The following INPP5B variants were observed in gnomAD, a reference collection of about 807,000 sequenced individuals.
INPP5B encodes type II inositol 1,4,5-trisphosphate 5-phosphatase.
Under a neutral mutation model 118.5 loss-of-function variants are expected in INPP5B, and 90 were observed. The ratio of observed to expected loss-of-function variants is 0.76; its 90% CI spans 0.64 to 0.90. The LOEUF is 0.90. Ranked by LOEUF, INPP5B falls within the 40% of genes least tolerant of loss-of-function variation. The probability of loss-of-function intolerance (pLI) is 0.00; values close to 1 mark genes in which losing one functional copy is unlikely to be tolerated. For synonymous variants in INPP5B, 385 were observed against 418.9 expected (o/e 0.92, Z 0.99); for missense variants, 984 against 1,125.6 (o/e 0.87, Z 1.80).
chr1:37,933,951 T>A (rs1299320082), intron 6 of INPP5B, among the ~76,000 whole-genome samples: 2 of 145,568 alleles, frequency 1.4e-5, no homozygotes, highest in African/African-American at 2.5e-5. Flanking sequence ...TTATTTATTT[T>A]GGGACAAACT....
intron 5 of INPP5B, among the ~76,000 whole-genome samples, 153 bp from the exon 6 acceptor site, chr1:37,940,951 G>A (rs1645886096): frequency 6.6e-6 from 1 of 152,104 alleles, no homozygotes; most frequent in Non-Finnish European, 1.5e-5. Context: ...GGACAACAAG[G>A]AAACCCTCTG....
chr1:37,901,139 T>C (rs1644318079), intron 7 of INPP5B, among the ~76,000 whole-genome samples: 2 of 152,190 alleles, frequency 1.3e-5, no homozygotes, highest in Admixed American at 1.3e-4. Context: ...TATTCATTAT[T>C]ATTGGATGCC....
chr1:37,915,677 A>G (rs1570279498), intron 7 of INPP5B, among the ~76,000 whole-genome samples: 3 of 152,358 alleles, frequency 2.0e-5, no homozygotes, highest in African/African-American at 2.4e-5. Flanking sequence ...AGACACATGG[A>G]AAGTCTGGAA....
intron 13 of INPP5B, chr1:37,883,586 G>A: frequency 1.0e-6 from 1 of 985,386 alleles, no homozygotes; most frequent in Non-Finnish European, 1.2e-6. Context: ...TAGAGAATCT[G>A]CACAGCAGTA....
chr1:37,881,801 G>GA (rs1251892351), intron 14 of INPP5B, among the ~76,000 whole-genome samples: 1 of 151,974 alleles, frequency 6.6e-6, no homozygotes, highest in Non-Finnish European at 1.5e-5. Context: ...CTGCACTGGG[G>GA]AAAAAAAGAT....
chr1:37,886,225 GTCTTAA>G lies in INPP5B; in HGVS notation c.1132-406_1132-401del, dbSNP rs547510198. ...ACCCTACAGACTTTCAAAATGTTTT[GTCTTAA>G]TCTTTATAATAATCCTGTGGTATTA... On this transcript the variant is annotated intron_variant, in intron 12 of 23. Coordinates refer to ENST00000373024, the MANE Select transcript of INPP5B (RefSeq NM_005540.3). Among the ~76,000 whole-genome samples the G allele has an allele frequency of 3.7e-3, 559 of 151,470 alleles. 6 individuals are homozygous for G. Among genetic ancestry groups the G allele is most frequent in the African/African-American group, 0.013 (525 of 41,260 alleles).
At chr1:37,928,915 C>T (rs114090883) in intron 7 of INPP5B, 1 of 152,134 alleles carries the variant, frequency 6.6e-6, no homozygotes, top group South Asian at 2.1e-4. Context: ...GGGCCTGTAT[C>T]GACATCCAGA....
At chr1:37,912,951 A>G (rs1269533935) in intron 7 of INPP5B, among the ~76,000 whole-genome samples, 1 of 11,090 alleles carries the variant, frequency 9.0e-5, no homozygotes, top group Non-Finnish European at 1.6e-4. Context: ...CTCACTGCTA[A>G]AAAAAAAAAA....
chr1:37,924,794 T>C (rs1645169749), intron 7 of INPP5B, among the ~76,000 whole-genome samples: 1 of 152,080 alleles, frequency 6.6e-6, no homozygotes, highest in South Asian at 2.1e-4. Context: ...GCCAGCACTT[T>C]GGGAGGCCAA....
chr1:37,935,837 C>A (rs1481055845), intron 6 of INPP5B, among the ~76,000 whole-genome samples: 3 of 151,904 alleles, frequency 2.0e-5, no homozygotes, highest in Non-Finnish European at 4.4e-5. Context: ...AAGGCCAAGG[C>A]GGGCGGATCA....
chr1:37,908,258 C>T (rs536695903), intron 7 of INPP5B, among the ~76,000 whole-genome samples: 5 of 152,280 alleles, frequency 3.3e-5, no homozygotes, highest in African/African-American at 7.2e-5. Context: ...CCCCTGTCTT[C>T]GCCCTCACTC....
chr1:37,932,343 T>C (rs1475331509), intron 6 of INPP5B, among the ~76,000 whole-genome samples: 1 of 150,674 alleles, frequency 6.6e-6, no homozygotes, highest in Non-Finnish European at 1.5e-5. Flanking sequence ...GAAACTATTA[T>C]CCCAATTTTC....
chr1:37,926,719 C>A (rs1288341810), intron 7 of INPP5B, among the ~76,000 whole-genome samples: 2 of 152,136 alleles, frequency 1.3e-5, no homozygotes, highest in African/African-American at 4.8e-5. Context: ...TAGTTCAAAA[C>A]CCTCCAGAAC....
intron 17 of INPP5B, among the ~76,000 whole-genome samples, 159 bp from the exon 18 acceptor site, chr1:37,874,314 A>T (rs746771899): frequency 6.6e-6 from 1 of 152,182 alleles, no homozygotes; most frequent in Non-Finnish European, 1.5e-5. Flanking sequence ...GTTCCCACTA[A>T]AGACTAGTTA....
chr1:37,923,183 AGGCATTC>A (rs143429624), intron 7 of INPP5B, among the ~76,000 whole-genome samples: 2,154 of 152,310 alleles, frequency 0.014, 33 homozygotes, highest in African/African-American at 0.038. Context: ...CTGATGTACA[AGGCATTC>A]GGCTGTCATT....
intron 17 of INPP5B, among the ~76,000 whole-genome samples, chr1:37,875,403 G>T (rs1642728859): frequency 6.6e-6 from 1 of 152,082 alleles, no homozygotes; most frequent in Non-Finnish European, 1.5e-5. Flanking sequence ...CGAGTAGTTG[G>T]GACTACAGGT....
At chr1:37,905,813 T>C (rs187071635) in intron 7 of INPP5B, among the ~76,000 whole-genome samples, 32 of 152,382 alleles carry the variant, frequency 2.1e-4, no homozygotes, top group Non-Finnish European at 2.2e-4. Flanking sequence ...ACTGAACTAA[T>C]AGAAGACTAA....
At position 37,940,716 on chromosome 1, in the gene INPP5B, G is replaced by T; in HGVS notation, c.363C>A (p.Phe121Leu). ...GACAGGCCCTGGCAACTTCGTGGAG[G>T]AACATCCTGGTTTGTGAACCAAAGG... ...QLPFGSQTRM[F>L]LHEVARACPG... The change falls in exon 6 of 24, where the codon TTC becomes TTA. Residue 121 changes from phenylalanine (F) to leucine (L), a missense_variant. Phe to Leu is a conservative substitution (Grantham distance 22). Transcript: ENST00000373024. The T allele has an allele frequency of 6.2e-7, 1 of 1,613,830 alleles. No homozygotes were observed. The highest frequency in any genetic ancestry group is 1.1e-5 in the South Asian group (1 of 91,068).
At chr1:37,865,020 C>T (rs1426827962) in intron 22 of INPP5B, among the ~76,000 whole-genome samples, 1 of 152,070 alleles carries the variant, frequency 6.6e-6, no homozygotes, top group Admixed American at 6.6e-5. Flanking sequence ...AACCCCATCT[C>T]TACTAAAAAT....
Sources: gnomAD v4.1 joint callset for allele counts (sites outside exome capture counted in the v4.1 genomes callset) on GRCh38, gnomAD v4.1.1 for gene constraint, MANE v1.5 for transcripts, NCBI Gene and HGNC (gene_info 2026-07-23, HGNC 2026-07-21) for gene names.